ACYP2: variants seen among roughly 807,000 people sequenced by gnomAD.
ACYP2 encodes acylphosphatase-2.
Under a neutral mutation model 11.2 loss-of-function variants are expected in ACYP2, and 12 were observed. That is an observed-to-expected ratio of 1.08 (90% confidence interval 0.69 to 1.74). The LOEUF is 1.74. Ranked by LOEUF, ACYP2 falls within the 40% of genes most tolerant of loss-of-function variation. ACYP2 has a pLI of 0.00. For synonymous variants in ACYP2, 43 were observed against 32.2 expected, an observed-to-expected ratio of 1.33 and a Z score of -1.13; for missense variants, 134 against 101.9, an observed-to-expected ratio of 1.31 and a Z score of -1.35.
At chr2:54,065,347 GC>G in intron 4 of ACYP2, 1 of 395,056 alleles carries the variant, frequency 2.5e-6, no homozygotes, top group Non-Finnish European at 4.5e-6. Context: ...AATCCTGATT[GC>G]TATCGATAAT....
chr2:54,185,536 T>C (rs1683945015), intron 6 of ACYP2, among the ~76,000 whole-genome samples: 1 of 141,382 alleles, frequency 7.1e-6, no homozygotes, highest in South Asian at 2.1e-4. Flanking sequence ...AGCATAGGGA[T>C]TTTTTTAAAA....
At chr2:54,086,689 ACG>A (rs761250993) in intron 4 of ACYP2, among the ~76,000 whole-genome samples, 250 of 152,300 alleles carry the variant, frequency 1.6e-3, no homozygotes, top group Non-Finnish European at 3.0e-3. Flanking sequence ...GTGTGTGTGC[ACG>A]CGCGCGCTAG....
chr2:54,092,446 T>C (rs941775900), intron 4 of ACYP2, among the ~76,000 whole-genome samples: 1 of 152,162 alleles, frequency 6.6e-6, no homozygotes, highest in African/African-American at 2.4e-5. Context: ...AGCCAACCTA[T>C]GTTATCCTAT....
chr2:54,304,525 A>T (rs1053434465), intron 6 of ACYP2, among the ~76,000 whole-genome samples, 163 bp from the exon 4 acceptor site: 1 of 152,134 alleles, frequency 6.6e-6, no homozygotes, highest in Non-Finnish European at 1.5e-5. Flanking sequence ...ACTCTGTGGT[A>T]TTCTTAGAGT....
At chr2:54,063,849 T>C (rs2103635921) in intron 4 of ACYP2, among the ~76,000 whole-genome samples, 1 of 151,898 alleles carries the variant, frequency 6.6e-6, no homozygotes, top group East Asian at 1.9e-4. Context: ...GTGGGGCTGG[T>C]GGTGGTGAAA....
At chr2:54,279,140 C>T (rs866669421) in intron 6 of ACYP2, among the ~76,000 whole-genome samples, 1 of 152,238 alleles carries the variant, frequency 6.6e-6, no homozygotes, top group South Asian at 2.1e-4. Context: ...TTAAGAACTG[C>T]TGTTTCATGA....
At chr2:54,000,988 A>T (rs575764205) in intron 2 of ACYP2, among the ~76,000 whole-genome samples, 2 of 152,210 alleles carry the variant, frequency 1.3e-5, no homozygotes, top group Non-Finnish European at 2.9e-5. Context: ...ACTGCTTTCA[A>T]CTATAGCATA....
At chr2:54,198,239 TCCTGA>T (rs1433742600) in intron 6 of ACYP2, among the ~76,000 whole-genome samples, 1 of 152,118 alleles carries the variant, frequency 6.6e-6, no homozygotes, top group Non-Finnish European at 1.5e-5. Flanking sequence ...GGTCTCAAAC[TCCTGA>T]CCTCAGGTGA....
At chr2:54,075,730 C>T (rs1677302982) in intron 4 of ACYP2, among the ~76,000 whole-genome samples, 1 of 151,702 alleles carries the variant, frequency 6.6e-6, no homozygotes, top group African/African-American at 2.4e-5. Context: ...GGAGAATCAC[C>T]TGAACCTGGG....
At chr2:53,975,825 C>G (rs567088122) in intron 2 of ACYP2, among the ~76,000 whole-genome samples, 2 of 152,132 alleles carry the variant, frequency 1.3e-5, no homozygotes, top group East Asian at 1.9e-4. Context: ...GAGCGAGACT[C>G]TCAAACAAAC....
At chr2:54,201,110 T>TC (rs1684735348) in intron 6 of ACYP2, among the ~76,000 whole-genome samples, 1 of 81,352 alleles carries the variant, frequency 1.2e-5, no homozygotes, top group African/African-American at 4.0e-5. Flanking sequence ...CTCTCTCTCT[T>TC]TTTTTTTTTT....
At chr2:54,015,871 C>G (rs1455350644) in intron 2 of ACYP2, among the ~76,000 whole-genome samples, 3 of 151,918 alleles carry the variant, frequency 2.0e-5, no homozygotes, top group Non-Finnish European at 1.5e-5. Flanking sequence ...GTTATGTTGA[C>G]CAGGCTGATC....
chr2:54,048,997 A>G (rs1559038), intron 2 of ACYP2, among the ~76,000 whole-genome samples: 10,191 of 152,210 alleles, frequency 0.067, 464 homozygotes, highest in East Asian at 0.27. Context: ...AGCTGGGGCC[A>G]GGTGCAGTGG....
chr2:54,149,206 T>TA (rs377023969), intron 6 of ACYP2, among the ~76,000 whole-genome samples: 132 of 152,298 alleles, frequency 8.7e-4, no homozygotes, highest in African/African-American at 2.8e-3. Context: ...AAATTGCCTT[T>TA]AAAAAAACCA....
intron 2 of ACYP2, among the ~76,000 whole-genome samples, chr2:53,991,280 C>A (rs1261145444): frequency 6.6e-6 from 1 of 152,130 alleles, no homozygotes; most frequent in Non-Finnish European, 1.5e-5. Context: ...TGGTTGTTCC[C>A]AGTTTCTGGG....
At chr2:54,077,016 T>C (rs572618487) in intron 4 of ACYP2, among the ~76,000 whole-genome samples, 2 of 152,340 alleles carry the variant, frequency 1.3e-5, no homozygotes, top group African/African-American at 4.8e-5. Flanking sequence ...CACATACACA[T>C]ATAAATCAGG....
chr2:54,195,201 C>A (rs1034209881), intron 6 of ACYP2, among the ~76,000 whole-genome samples: 1 of 152,126 alleles, frequency 6.6e-6, no homozygotes, highest in Non-Finnish European at 1.5e-5. Flanking sequence ...TATAAAAGGG[C>A]CGATTGTTAG....
At chr2:54,291,221 G>A (rs892551367) in intron 6 of ACYP2, among the ~76,000 whole-genome samples, 1 of 152,172 alleles carries the variant, frequency 6.6e-6, no homozygotes, top group Non-Finnish European at 1.5e-5. Flanking sequence ...AACAGCACAC[G>A]TTGGTGGCTA....
At chr2:53,995,145 T>A (rs1672509402) in intron 2 of ACYP2, among the ~76,000 whole-genome samples, 1 of 152,084 alleles carries the variant, frequency 6.6e-6, no homozygotes, top group Non-Finnish European at 1.5e-5. Flanking sequence ...AAACTCTAGC[T>A]GCAGCTCTTC....
Sources: gnomAD v4.1 joint callset for allele counts (sites outside exome capture counted in the v4.1 genomes callset) on GRCh38, gnomAD v4.1.1 for gene constraint, MANE v1.5 for transcripts, NCBI Gene and HGNC (gene_info 2026-07-23, HGNC 2026-07-21) for gene names.